The following RPF2 variants were observed in gnomAD, a reference collection of about 807,000 sequenced individuals.
RPF2 encodes the protein brix domain containing 1.
A neutral mutation model predicts 38.9 loss-of-function variants in RPF2; 21 were observed. The ratio of observed to expected loss-of-function variants is 0.54; its 90% confidence interval spans 0.38 to 0.78. RPF2 has a LOEUF of 0.78. RPF2 is among the 30% of genes least tolerant of loss of function. RPF2 has a pLI of 0.00. For missense variants in RPF2, 314 were observed against 358.1 expected (o/e 0.88, Z 0.99); for synonymous variants, 121 against 126.2 (o/e 0.96, Z 0.28).
In RPF2 at chr6:110,983,805, G is replaced by C. The variant is rs924308713; in HGVS notation, c.24-1201G>C. 5.7e-5 allele frequency among the ~76,000 whole-genome samples: 5 copies of C among 87,576 alleles called. No homozygotes were observed. The East Asian group carries it at 4.4e-3, about 78-fold the overall frequency. The allele number at this position is 87,576 out of a possible 152,430, so 57.5% of individuals were successfully genotyped here. A position where few individuals can be genotyped will look rare whatever the true frequency, so the allele number is the denominator to read the frequency against. ...CTTTGGGAGGCTGAGGCGGGGGGGT[G>C]GGTCACGAGGTCAGGAGATCGAGAC... On this transcript the variant is annotated intron_variant, in intron 1 of 9. Coordinates refer to ENST00000441448, the MANE Select transcript of RPF2 (RefSeq NM_032194.3).
At chr6:111,008,310 C>T (rs1397767840) in intron 7 of RPF2, among the ~76,000 whole-genome samples, 173 bp downstream of exon 7, 1 of 151,974 alleles carries the variant, frequency 6.6e-6, no homozygotes, top group East Asian at 1.9e-4. Flanking sequence ...GCCATCCTTG[C>T]GCAGGGACCA....
intron 4 of RPF2, among the ~76,000 whole-genome samples, chr6:110,992,270 A>G (rs1771633753): frequency 6.6e-6 from 1 of 152,122 alleles, no homozygotes. Context: ...AGATCACGCC[A>G]TTGCACTCCA....
intron 5 of RPF2, among the ~76,000 whole-genome samples, chr6:110,998,965 TTA>T (rs1771767028): frequency 6.6e-6 from 1 of 150,980 alleles, no homozygotes; most frequent in Non-Finnish European, 1.5e-5. Flanking sequence ...AAAAAAAAAT[TTA>T]TGTCGGTCAG....
intron 9 of RPF2, 40 bp from the exon 10 acceptor site, chr6:111,025,363 G>A: frequency 2.1e-6 from 3 of 1,399,698 alleles, no homozygotes; most frequent in Non-Finnish European, 3.0e-6. Flanking sequence ...GCTCATTATA[G>A]TAGAAGGCCA....
At chr6:111,012,277 C>T (rs560851994) in intron 7 of RPF2, among the ~76,000 whole-genome samples, 1 of 150,426 alleles carries the variant, frequency 6.6e-6, no homozygotes, top group South Asian at 2.1e-4. Context: ...CTCAAGCAAT[C>T]CTCCTACCTC....
intron 1 of RPF2, among the ~76,000 whole-genome samples, chr6:110,984,731 T>C (rs888485275): frequency 2.0e-5 from 3 of 152,072 alleles, no homozygotes; most frequent in Admixed American, 6.6e-5. Flanking sequence ...TTCTAGCTAC[T>C]CGGGAGGCTG....
At chr6:111,003,835 G>A (rs567141876) in intron 6 of RPF2, among the ~76,000 whole-genome samples, 4 of 152,002 alleles carry the variant, frequency 2.6e-5, no homozygotes, top group African/African-American at 9.6e-5. Flanking sequence ...CCCCACCGAC[G>A]GAGTTTTGTT....
intron 9 of RPF2, among the ~76,000 whole-genome samples, chr6:111,024,858 C>G (rs1417321329): frequency 6.6e-6 from 1 of 152,126 alleles, no homozygotes; most frequent in Non-Finnish European, 1.5e-5. Flanking sequence ...TGAGGTTTGG[C>G]TAAGTGCCTT....
chr6:111,015,894 G>A, intron 8 of RPF2, 38 bp downstream of exon 8: 1 of 1,439,094 alleles, frequency 6.9e-7, no homozygotes, highest in Non-Finnish European at 9.8e-7. Flanking sequence ...TAATCCTCAG[G>A]GTTAGTGTTT....
intron 3 of RPF2, 32 bp downstream of exon 3, chr6:110,989,097 A>T: frequency 6.7e-7 from 1 of 1,497,956 alleles, no homozygotes; most frequent in Admixed American, 2.6e-5. Context: ...TGTATTTTAA[A>T]TGATTTTGTT....
In RPF2 at chr6:110,994,770, C is replaced by CACACACAT. The variant is rs1554247831; in HGVS notation, c.235-2413_235-2412insACACACAT. On this transcript the variant is annotated intron_variant, in intron 4 of 9. Transcript: ENST00000441448. ...ACACACACACACACACACACACACA[C>CACACACAT]GAGTATGTATGTATATAAAACACTC... is the stretch of plus-strand genomic sequence containing the variant. Among the ~76,000 whole-genome samples, 224 of 145,942 alleles carry CACACACAT rather than the reference C, an allele frequency of 1.5e-3. 2 individuals carry two copies. The highest frequency in any genetic ancestry group is 5.7e-3 in the African/African-American group (214 of 37,622).
chr6:111,010,521 C>A (rs1771993709), intron 7 of RPF2, among the ~76,000 whole-genome samples: 1 of 152,210 alleles, frequency 6.6e-6, no homozygotes, highest in Admixed American at 6.6e-5. Flanking sequence ...TACACTGATA[C>A]TCTCAAAGCA....
rs957827726 is a variant in RPF2 at position 110,991,029 on chromosome 6, G to C, written c.195-718G>C. On this transcript the variant is annotated intron_variant, in intron 3 of 9. Coordinates refer to ENST00000441448, the MANE Select transcript of RPF2 (RefSeq NM_032194.3). ...CTACAGTCATCCCTCAGTATCTGTGGGCGATGGGTTCCAGAAACCTCCCCT... is the reference window on the plus strand; with the variant it reads ...CTACAGTCATCCCTCAGTATCTGTGCGCGATGGGTTCCAGAAACCTCCCCT... Among the ~76,000 whole-genome samples, 3 of 152,020 alleles carry C rather than the reference G, an allele frequency of 2.0e-5. No individual in the cohort carries two copies. The East Asian group carries it at 5.8e-4, about 29-fold the overall frequency.
chr6:111,021,318 T>C (rs1269414932), intron 8 of RPF2, among the ~76,000 whole-genome samples: 1 of 152,222 alleles, frequency 6.6e-6, no homozygotes, highest in African/African-American at 2.4e-5. Flanking sequence ...TCAGAGACCC[T>C]AGTATGTAAT....
At chr6:110,996,945 G>A (rs533334963) in intron 4 of RPF2, among the ~76,000 whole-genome samples, 6 of 152,228 alleles carry the variant, frequency 3.9e-5, no homozygotes, top group Admixed American at 3.9e-4. Context: ...GGGATTACAG[G>A]CGTGTGCCTT....
intron 8 of RPF2, among the ~76,000 whole-genome samples, chr6:111,017,949 G>C (rs1056075864): frequency 6.6e-6 from 1 of 150,820 alleles, no homozygotes; most frequent in Non-Finnish European, 1.5e-5. Flanking sequence ...ACGAGACTCC[G>C]TCTGCAATCC....
chr6:111,003,182 T>G (rs1168403099), intron 6 of RPF2, among the ~76,000 whole-genome samples: 1 of 151,950 alleles, frequency 6.6e-6, no homozygotes, highest in Non-Finnish European at 1.5e-5. Context: ...TGGTACACTT[T>G]CCCTTATTTT....
At chr6:110,983,104 G>A (rs1018976773) in intron 1 of RPF2, among the ~76,000 whole-genome samples, 2 of 152,098 alleles carry the variant, frequency 1.3e-5, no homozygotes, top group African/African-American at 2.4e-5. Context: ...AGTGTCCATG[G>A]GACTGGACGA....
At position 110,991,746 on chromosome 6, in the gene RPF2, G is replaced by T; in HGVS notation, c.195-1G>T. ...AATTGTCACTTTTTTGATATTCTTA[G>T]GAAAAATATTACAAGACCTTTTGAG... is the stretch of plus-strand genomic sequence containing the variant. On this transcript the variant is annotated splice_acceptor_variant, in intron 3 of 9. Transcript: ENST00000441448. LOFTEE classifies it high-confidence loss of function. 1 of 1,165,558 alleles carries T rather than the reference G, an allele frequency of 8.6e-7. No homozygotes were observed. 72.2% of individuals were successfully genotyped at this position (1,165,558 alleles called of 1,614,324 possible). A position where few individuals can be genotyped will look rare whatever the true frequency, so the allele number is the denominator to read the frequency against.
Sources: gnomAD v4.1 joint callset for allele counts (sites outside exome capture counted in the v4.1 genomes callset) on GRCh38, gnomAD v4.1.1 for gene constraint, MANE v1.5 for transcripts, NCBI Gene and HGNC (gene_info 2026-07-23, HGNC 2026-07-21) for gene names.